EPHX2: variants seen among roughly 807,000 people sequenced by gnomAD.
EPHX2 encodes bifunctional epoxide hydrolase 2.
Under a neutral mutation model 78.7 loss-of-function variants are expected in EPHX2, and 74 were observed. The observed-to-expected ratio is 0.94, with a 90% CI of 0.78 to 1.14. EPHX2 has a LOEUF of 1.14. EPHX2 is among the 50% of genes most tolerant of loss of function. EPHX2 has a pLI of 0.00. For missense variants in EPHX2, 715 were observed against 702.5 expected, an observed-to-expected ratio of 1.02 and a Z score of -0.20; for synonymous variants, 251 against 255.2, an observed-to-expected ratio of 0.98 and a Z score of 0.16.
chr8:27,500,889 T>G, intron 1 of EPHX2, 37 bp from the exon 2 acceptor site: 1 of 1,580,504 alleles, frequency 6.3e-7, no homozygotes, highest in Non-Finnish European at 8.7e-7. Context: ...CATGACAAAA[T>G]CCACAGAATG....
chr8:27,540,318 G>A (rs970940186), intron 14 of EPHX2, among the ~76,000 whole-genome samples: 8 of 152,154 alleles, frequency 5.3e-5, no homozygotes, highest in East Asian at 3.9e-4. Flanking sequence ...ATAATAGCCC[G>A]TGAAGTCGTG....
intron 10 of EPHX2, among the ~76,000 whole-genome samples, chr8:27,522,194 C>T (rs540031032): frequency 6.6e-6 from 1 of 152,220 alleles, no homozygotes; most frequent in East Asian, 1.9e-4. Flanking sequence ...GGAGAAGGAA[C>T]CCATGGCCTG....
chr8:27,543,986 A>G (rs1371650815), intron 17 of EPHX2, among the ~76,000 whole-genome samples, 157 bp downstream of exon 17: 1 of 152,188 alleles, frequency 6.6e-6, no homozygotes, highest in East Asian at 1.9e-4. Context: ...CATTGCAAGC[A>G]GCAACCGTGA....
chr8:27,519,652 C>T (rs759016761), intron 9 of EPHX2, among the ~76,000 whole-genome samples: 3 of 152,210 alleles, frequency 2.0e-5, no homozygotes, highest in South Asian at 4.1e-4. Context: ...GAACGATGGA[C>T]GGCTGCACTG....
At chr8:27,523,564 A>T (rs1162211573) in intron 11 of EPHX2, among the ~76,000 whole-genome samples, 2 of 152,222 alleles carry the variant, frequency 1.3e-5, no homozygotes. Context: ...TAAGTTTATG[A>T]GATTGGAACT....
At chr8:27,541,604 T>A in intron 16 of EPHX2, 62 bp downstream of exon 16, 1 of 1,577,818 alleles carries the variant, frequency 6.3e-7, no homozygotes, top group Middle Eastern at 1.7e-4. Flanking sequence ...GGGCTTCCCA[T>A]TGGCCTGAGC....
intron 1 of EPHX2, among the ~76,000 whole-genome samples, chr8:27,496,505 C>T (rs1310293821): frequency 6.6e-6 from 1 of 152,170 alleles, no homozygotes; most frequent in Non-Finnish European, 1.5e-5. Context: ...ATGAACCATT[C>T]TGCTTCCTCT....
intron 5 of EPHX2, among the ~76,000 whole-genome samples, chr8:27,508,778 G>A (rs149318812): frequency 2.0e-5 from 3 of 151,846 alleles, no homozygotes; most frequent in East Asian, 1.9e-4. Context: ...GCGCACGCAC[G>A]TGTGTGTGTG....
rs774096227 is a variant in EPHX2 at position 27,506,912 on chromosome 8, C to G, written c.578C>G (p.Ala193Gly). ...GACATCGGGGCTAATCTGAAGCCAG[C>G]CCGTGACTTGGGAATGGTCACCATC... ...LDDIGANLKPARDLGMVTILV... is the reference protein window; with the variant it reads ...LDDIGANLKPGRDLGMVTILV... Residue 193 changes from alanine (A) to glycine (G), a missense_variant, in exon 5 of 19, where the codon GCC (alanine) becomes GGC (glycine). Coordinates refer to ENST00000521400, the MANE Select transcript of EPHX2 (RefSeq NM_001979.6). The G allele has an allele frequency of 1.2e-6, 2 of 1,614,118 alleles. No individual in the cohort carries two copies. Among genetic ancestry groups the G allele is most frequent in the South Asian group, 2.2e-5 (2 of 91,070 alleles).
rs1329661342 is a variant in EPHX2 at position 27,543,846 on chromosome 8, G to A, written c.1530+17G>A. 1 of 1,613,834 alleles carries A rather than the reference G, an allele frequency of 6.2e-7. No homozygotes were observed. The highest frequency in any genetic ancestry group is 1.1e-5 in the South Asian group (1 of 91,066). On this transcript the variant is annotated intron_variant, in intron 17 of 18. Coordinates refer to ENST00000521400, the MANE Select transcript of EPHX2 (RefSeq NM_001979.6). ...GAGGACTGGGTGAGGGAATGGCCCT[G>A]TACAAGGGTCATCAGTGCACCCCGG...
At chr8:27,498,327 T>C (rs1586429393) in intron 1 of EPHX2, among the ~76,000 whole-genome samples, 1 of 152,108 alleles carries the variant, frequency 6.6e-6, no homozygotes, top group African/African-American at 2.4e-5. Context: ...GGCTTATCAT[T>C]AACAGGAAGA....
At chr8:27,502,206 G>A (rs551613812) in intron 2 of EPHX2, among the ~76,000 whole-genome samples, 4 of 152,284 alleles carry the variant, frequency 2.6e-5, no homozygotes, top group Non-Finnish European at 4.4e-5. Context: ...GCTCTTTTGC[G>A]TCTGGCATCT....
chr8:27,508,946 C>CTT lies in EPHX2; in HGVS notation c.660+1978_660+1979dup, dbSNP rs34748947. On this transcript the variant is annotated intron_variant, in intron 5 of 18. Transcript: ENST00000521400. ...CTGGCCCCTGGCAACCCCCATCCTG[C>CTT]TTTTTTTTTTTTTTTTTTTTTTTTT... Among the ~76,000 whole-genome samples, 123 of 64,396 alleles carry CTT rather than the reference C, an allele frequency of 1.9e-3. 17 individuals carry two copies. Among genetic ancestry groups the CTT allele is most frequent in the Non-Finnish European group, 1.9e-3 (65 of 35,102 alleles). 42.2% of individuals were successfully genotyped at this position (64,396 alleles called of 152,430 possible). A position where few individuals can be genotyped will look rare whatever the true frequency, so the allele number is the denominator to read the frequency against.
downstream of EPHX2, among the ~76,000 whole-genome samples, chr8:27,546,245 C>T (rs1815574780): frequency 6.6e-6 from 1 of 152,120 alleles, no homozygotes; most frequent in South Asian, 2.1e-4. Flanking sequence ...TATCTGTGCC[C>T]CAGTTCCCTC....
chr8:27,510,864 C>A (rs1424534804), intron 5 of EPHX2, among the ~76,000 whole-genome samples: 1 of 152,000 alleles, frequency 6.6e-6, no homozygotes, highest in African/African-American at 2.4e-5. Context: ...TGGGAGGATC[C>A]CTTGAGCCAA....
chr8:27,541,224 C>A (rs1020340110), intron 15 of EPHX2, among the ~76,000 whole-genome samples: 11 of 152,178 alleles, frequency 7.2e-5, no homozygotes, highest in African/African-American at 2.7e-4. Context: ...TTCTTTGTGT[C>A]CCAAAAGCCA....
In EPHX2 at chr8:27,515,760, G is replaced by T. The variant is rs759050002; in HGVS notation, c.778G>T (p.Ala260Ser). Reference sequence around the variant, plus strand: ...TTTTGTGGAGCTGGGCTCCGGCCCTGCTGTGTGCCTCTGCCATGGATTTCC... The same window carrying T: ...TTTTGTGGAGCTGGGCTCCGGCCCTTCTGTGTGCCTCTGCCATGGATTTCC... ...LHFVELGSGPAVCLCHGFPES... is the reference protein window; with the variant it reads ...LHFVELGSGPSVCLCHGFPES... The change falls in exon 7 of 19, where the codon GCT becomes TCT. Residue 260 changes from alanine to serine, a missense_variant. Coordinates refer to ENST00000521400, the MANE Select transcript of EPHX2 (RefSeq NM_001979.6). 9 of 1,614,098 alleles carry T rather than the reference G, an allele frequency of 5.6e-6. No homozygotes were observed. The Admixed American group carries it at 1.3e-4, about 24-fold the overall frequency.
chr8:27,533,826 A>G (rs1373126880), intron 12 of EPHX2, among the ~76,000 whole-genome samples: 1 of 152,118 alleles, frequency 6.6e-6, no homozygotes, highest in African/African-American at 2.4e-5. Context: ...CTGGCCTCAA[A>G]GTCCTCCTGC....
At chr8:27,543,589 A>G (rs1815481126) in intron 16 of EPHX2, among the ~76,000 whole-genome samples, 160 bp from the exon 17 acceptor site, 1 of 152,074 alleles carries the variant, frequency 6.6e-6, no homozygotes, top group African/African-American at 2.4e-5. Flanking sequence ...TGAAGCTGTT[A>G]TTTTAAAGAT....
Sources: gnomAD v4.1 joint callset for allele counts (sites outside exome capture counted in the v4.1 genomes callset) on GRCh38, gnomAD v4.1.1 for gene constraint, MANE v1.5 for transcripts, NCBI Gene and HGNC (gene_info 2026-07-23, HGNC 2026-07-21) for gene names.